CCDC102B: variants seen among roughly 807,000 people sequenced by gnomAD.
The protein encoded by CCDC102B is coiled-coil domain-containing protein 102B.
CCDC102B carries 75 observed loss-of-function variants against 57.4 expected under a neutral mutation model. The ratio of observed to expected loss-of-function variants is 1.31; its 90% CI spans 1.08 to 1.58. CCDC102B has a LOEUF of 1.58. CCDC102B is among the 40% of genes most tolerant of loss of function. The pLI is 0.00. For missense variants in CCDC102B, 636 were observed against 582.6 expected (o/e 1.09, Z -0.94); for synonymous variants, 206 against 201.9 (o/e 1.02, Z -0.17).
intron 4 of CCDC102B, among the ~76,000 whole-genome samples, chr18:68,874,170 ATGTGTGTGTGTGTGTGTGTGTGTG>A (rs34176363): frequency 3.6e-5 from 5 of 138,262 alleles, no homozygotes; most frequent in African/African-American, 1.1e-4. Flanking sequence ...GTGTGTGTGT[ATGTGTGTGTGTGTGTGTGTGTGTG>A]TGTGTGTGTG....
rs531075896 is a variant in CCDC102B at position 68,926,985 on chromosome 18, C to T, written c.1263+29557C>T. ...AGATTTTTACAAGTCAGATAATATT[C>T]TTTAGTCAATATCTTATACAAAGCC... On this transcript the variant is annotated intron_variant, in intron 6 of 7. Transcript: ENST00000360242. Among the ~76,000 whole-genome samples, 19 of 152,022 alleles carry T rather than the reference C, an allele frequency of 1.2e-4. No individual in the cohort carries two copies. The South Asian group carries it at 3.9e-3, about 32-fold the overall frequency.
chr18:68,791,989 G>C (rs919064337), intron 2 of CCDC102B, among the ~76,000 whole-genome samples: 1 of 152,150 alleles, frequency 6.6e-6, no homozygotes, highest in Non-Finnish European at 1.5e-5. Flanking sequence ...TAGCTAGTAG[G>C]TGGCAGCTGC....
At chr18:68,752,730 C>G (rs1244854993) in intron 2 of CCDC102B, among the ~76,000 whole-genome samples, 2 of 152,126 alleles carry the variant, frequency 1.3e-5, no homozygotes, top group African/African-American at 4.8e-5. Flanking sequence ...GTGTATGTTA[C>G]AATTTTTCAT....
chr18:68,939,025 A>C (rs369385319), intron 6 of CCDC102B, among the ~76,000 whole-genome samples: 1 of 151,820 alleles, frequency 6.6e-6, no homozygotes, highest in African/African-American at 2.4e-5. Flanking sequence ...TAGAATCAGA[A>C]CTATTTGGTT....
chr18:68,788,298 A>G (rs2035289559), intron 2 of CCDC102B, among the ~76,000 whole-genome samples: 1 of 151,680 alleles, frequency 6.6e-6, no homozygotes, highest in South Asian at 2.1e-4. Context: ...ACAAAAATGT[A>G]TATTCTGTTG....
intron 2 of CCDC102B, among the ~76,000 whole-genome samples, chr18:68,718,339 G>A (rs1013536912): frequency 4.6e-5 from 7 of 152,194 alleles, no homozygotes; most frequent in Admixed American, 3.9e-4. Context: ...ATATAGCAAC[G>A]AGAATGAATG....
chr18:68,762,454 A>C (rs1384235641), intron 2 of CCDC102B, among the ~76,000 whole-genome samples: 1 of 151,798 alleles, frequency 6.6e-6, no homozygotes, highest in Non-Finnish European at 1.5e-5. Context: ...ATTCCCACTC[A>C]CTAGTCACTT....
At chr18:69,033,304 A>G (rs746625927) in intron 7 of CCDC102B, among the ~76,000 whole-genome samples, 19 of 152,082 alleles carry the variant, frequency 1.2e-4, no homozygotes, top group Non-Finnish European at 2.6e-4. Flanking sequence ...TACACCATAC[A>G]TTTTGCCCAT....
intron 6 of CCDC102B, among the ~76,000 whole-genome samples, chr18:68,956,236 A>G (rs2049843338): frequency 6.8e-6 from 1 of 147,240 alleles, no homozygotes; most frequent in South Asian, 2.1e-4. Context: ...GGTTGCTTCC[A>G]AATCTTGGCT....
chr18:68,783,074 C>A (rs533677680), intron 2 of CCDC102B, among the ~76,000 whole-genome samples: 5 of 152,222 alleles, frequency 3.3e-5, no homozygotes, highest in African/African-American at 1.2e-4. Flanking sequence ...CCTCGTTTTG[C>A]AGGTGAGGTA....
intron 1 of CCDC102B, among the ~76,000 whole-genome samples, chr18:68,715,814 C>T (rs1461324590): frequency 6.6e-6 from 1 of 152,158 alleles, no homozygotes; most frequent in Non-Finnish European, 1.5e-5. Context: ...CTGCAGCAAT[C>T]ACTACTTACG....
chr18:68,961,521 TA>T (rs1463139343), intron 6 of CCDC102B, among the ~76,000 whole-genome samples: 1 of 151,988 alleles, frequency 6.6e-6, no homozygotes, highest in African/African-American at 2.4e-5. Flanking sequence ...TGCAAATTAC[TA>T]AAATATTACA....
intron 2 of CCDC102B, among the ~76,000 whole-genome samples, chr18:68,726,974 G>A (rs1216000105): frequency 1.3e-5 from 2 of 152,126 alleles, no homozygotes; most frequent in Admixed American, 1.3e-4. Flanking sequence ...GGAAGAAAAG[G>A]TTCTTGCTCC....
chr18:68,808,732 C>A (rs1388561103), intron 1 of CCDC102B, among the ~76,000 whole-genome samples: 1 of 152,134 alleles, frequency 6.6e-6, no homozygotes, highest in Non-Finnish European at 1.5e-5. Context: ...CCCACCTTGG[C>A]CTCCCAAAGT....
intron 4 of CCDC102B, among the ~76,000 whole-genome samples, chr18:68,861,116 G>T (rs555722295): frequency 1.1e-4 from 13 of 122,914 alleles, no homozygotes; most frequent in Admixed American, 1.8e-4. Context: ...TTTTTGTTTA[G>T]CTATCATTAT....
intron 6 of CCDC102B, among the ~76,000 whole-genome samples, chr18:68,948,017 T>C (rs2049588610): frequency 6.6e-6 from 1 of 152,148 alleles, no homozygotes; most frequent in Non-Finnish European, 1.5e-5. Flanking sequence ...AACATTTTTA[T>C]ATTGTGCATC....
intron 6 of CCDC102B, among the ~76,000 whole-genome samples, chr18:68,917,703 ATC>A (rs2041124744): frequency 6.6e-6 from 1 of 152,182 alleles, no homozygotes; most frequent in African/African-American, 2.4e-5. Flanking sequence ...AATCCCCAAT[ATC>A]AAATAATTAT....
intron 2 of CCDC102B, chr18:68,753,206 T>C (rs2045658317): frequency 6.6e-6 from 1 of 152,190 alleles, no homozygotes; most frequent in South Asian, 2.1e-4. Flanking sequence ...TCAATTTTTA[T>C]TTCTTAAGTG....
In CCDC102B at chr18:68,828,322, CAAAAA is replaced by C. The variant is rs58180806; in HGVS notation, c.-15-8406_-15-8402del. ...TTCACCAAGGTACATACCCTATTTACAAAAAAAAAAAAAAAAAAAAAAAAACCTTC... is the reference window on the plus strand; with the variant it reads ...TTCACCAAGGTACATACCCTATTTACAAAAAAAAAAAAAAAAAAAACCTTC... On this transcript the variant is annotated intron_variant, in intron 1 of 7. Coordinates refer to ENST00000360242, the MANE Select transcript of CCDC102B (RefSeq NM_024781.3). Among the ~76,000 whole-genome samples, 708 of 80,810 alleles carry C rather than the reference CAAAAA, an allele frequency of 8.8e-3. 6 individuals carry two copies. Among genetic ancestry groups the C allele is most frequent in the East Asian group, 0.042 (126 of 2,970 alleles). The allele number at this position is 80,810 out of a possible 152,430, so 53.0% of individuals were successfully genotyped here.
Sources: gnomAD v4.1 joint callset for allele counts (sites outside exome capture counted in the v4.1 genomes callset) on GRCh38, gnomAD v4.1.1 for gene constraint, MANE v1.5 for transcripts, NCBI Gene and HGNC (gene_info 2026-07-23, HGNC 2026-07-21) for gene names.